Variants in CPVL observed in about 807,000 individuals in gnomAD.
CPVL encodes probable serine carboxypeptidase CPVL.
CPVL carries 51 observed loss-of-function variants against 63.7 expected under a neutral mutation model. That is an observed-to-expected ratio of 0.80 (90% confidence interval 0.64 to 1.01). The LOEUF is 1.01. Among genes scored for constraint, CPVL ranks in the 50% least tolerant of loss-of-function variants. CPVL has a pLI of 0.00. For synonymous variants in CPVL, 195 were observed against 206.0 expected (o/e 0.95, Z 0.46); for missense variants, 530 against 573.1 (o/e 0.92, Z 0.77).
At chr7:28,997,811 T>A (rs80115357) in intron 12 of CPVL, among the ~76,000 whole-genome samples, 1,834 of 139,494 alleles carry the variant, frequency 0.013, 17 homozygotes, top group Non-Finnish European at 0.019. Flanking sequence ...ATGAAAAAAA[T>A]TATTGCAGAT....
intron 1 of CPVL, among the ~76,000 whole-genome samples, chr7:29,141,941 T>C (rs1303381576): frequency 6.6e-6 from 1 of 152,040 alleles, no homozygotes; most frequent in Non-Finnish European, 1.5e-5. Context: ...GCTGTTGCCT[T>C]GTGAAAAGAT....
At chr7:29,003,521 A>G (rs1203877644) in intron 12 of CPVL, among the ~76,000 whole-genome samples, 1 of 152,190 alleles carries the variant, frequency 6.6e-6, no homozygotes, top group Admixed American at 6.5e-5. Context: ...AAACATGAAA[A>G]TGCAGAGGAG....
chr7:29,059,061 G>A (rs990090111), intron 11 of CPVL, among the ~76,000 whole-genome samples: 1 of 151,566 alleles, frequency 6.6e-6, no homozygotes, highest in Non-Finnish European at 1.5e-5. Flanking sequence ...TTTTGTAGTT[G>A]TCCCACAGTT....
intron 1 of CPVL, among the ~76,000 whole-genome samples, chr7:29,187,462 G>A (rs1468271568): frequency 1.3e-5 from 2 of 152,062 alleles, no homozygotes; most frequent in South Asian, 2.1e-4. Context: ...GGTGGCTCAC[G>A]CCTGTAATCC....
At chr7:29,037,537 AG>A (rs1171865854) in intron 11 of CPVL, among the ~76,000 whole-genome samples, 1 of 131,576 alleles carries the variant, frequency 7.6e-6, no homozygotes, top group Non-Finnish European at 1.6e-5. Flanking sequence ...TGGGTGACAG[AG>A]TGAGACTCCA....
rs1792685705 is a variant in CPVL, at chr7:29,146,512, G to C, written c.-94C>G. On this transcript the variant is annotated 5_prime_UTR_variant, in exon 1 of 13. Transcript: ENST00000265394. The stretch of plus-strand genomic sequence containing the variant: ...CTTGCAGCGCTTCCCAAATCAGGCA[G>C]AAGTGAGGCAGCCCCACCCAGTCAC... 1 of 1,474,256 alleles carries C rather than the reference G, an allele frequency of 6.8e-7. No homozygotes were observed. Among genetic ancestry groups the C allele is most frequent in the African/African-American group, 1.4e-5 (1 of 70,388 alleles). The allele number at this position is 1,474,256 out of a possible 1,614,324, so 91.3% of individuals were successfully genotyped here.
intron 3 of CPVL, among the ~76,000 whole-genome samples, chr7:29,097,278 T>C (rs561115111): frequency 6.6e-6 from 1 of 152,354 alleles, no homozygotes; most frequent in African/African-American, 2.4e-5. Context: ...TGTGTATTTA[T>C]TGAGCACCCA....
At chr7:29,003,154 G>GCACACACACA (rs535400256) in intron 12 of CPVL, among the ~76,000 whole-genome samples, 3,991 of 123,592 alleles carry the variant, frequency 0.032, 65 homozygotes, top group East Asian at 0.053. Flanking sequence ...ATGTGTATGT[G>GCACACACACA]CACACACACA....
At chr7:29,147,905 A>T (rs1374771646), upstream of CPVL, among the ~76,000 whole-genome samples, 2 of 152,180 alleles carry the variant, frequency 1.3e-5, no homozygotes. Context: ...CCAGATTGAA[A>T]CTTTGGATGA....
intron 12 of CPVL, among the ~76,000 whole-genome samples, chr7:29,015,946 T>G (rs1397818618): frequency 6.6e-6 from 1 of 152,158 alleles, no homozygotes; most frequent in Non-Finnish European, 1.5e-5. Flanking sequence ...AAATTGTGGA[T>G]TAAAAAAGTG....
At chr7:29,174,925 CAAAAT>C (rs1431778534) in intron 5 of CPVL, among the ~76,000 whole-genome samples, 4 of 149,548 alleles carry the variant, frequency 2.7e-5, no homozygotes, top group Non-Finnish European at 5.9e-5. Context: ...GAGAGAGACA[CAAAAT>C]AAACAAAATT....
At chr7:29,074,107 G>A in intron 7 of CPVL, among the ~76,000 whole-genome samples, 1 of 152,200 alleles carries the variant, frequency 6.6e-6, no homozygotes, top group Admixed American at 6.5e-5. Context: ...GAGGCTCAGA[G>A]AGGTTAAGTT....
rs560468169 is a variant in CPVL at position 29,186,432 on chromosome 7, A to G, written c.-347+15T>C. On this transcript the variant is annotated intron_variant, in intron 2 of 16. Transcript: ENST00000409850. ...ACCCTGTCTCCACTAAAAATTTTAAAAAGCAGCCACGTGCCTGTAGTCCCA... is the reference window on the plus strand; with the variant it reads ...ACCCTGTCTCCACTAAAAATTTTAAGAAGCAGCCACGTGCCTGTAGTCCCA... 3.3e-5 allele frequency: 5 copies of G among 152,208 alleles called. No individual in the cohort carries two copies. The South Asian group carries it at 1.0e-3, about 32-fold the overall frequency. 9.4% of individuals were successfully genotyped at this position (152,208 alleles called of 1,614,324 possible).
chr7:29,164,793 A>AC (rs1215097676), intron 5 of CPVL, among the ~76,000 whole-genome samples: 1 of 151,658 alleles, frequency 6.6e-6, no homozygotes, highest in Non-Finnish European at 1.5e-5. Flanking sequence ...AAAAAAAAAA[A>AC]AAAAAAAACA....
chr7:29,031,207 C>A (rs1787990771), intron 11 of CPVL, among the ~76,000 whole-genome samples: 1 of 152,202 alleles, frequency 6.6e-6, no homozygotes, highest in African/African-American at 2.4e-5. Flanking sequence ...TTGCTCTCCT[C>A]TCCTACATTG....
intron 1 of CPVL, among the ~76,000 whole-genome samples, chr7:29,132,064 C>A (rs1299978406): frequency 6.6e-6 from 1 of 152,066 alleles, no homozygotes; most frequent in Non-Finnish European, 1.5e-5. Context: ...GCAGGATAAA[C>A]GGAATAGAGA....
chr7:29,145,111 A>C (rs1409694189), intron 1 of CPVL, among the ~76,000 whole-genome samples: 1 of 151,772 alleles, frequency 6.6e-6, no homozygotes, highest in African/African-American at 2.4e-5. Flanking sequence ...GCAGACTTTC[A>C]TATGCCAACA....
At chr7:29,123,405 C>T (rs73684595) in intron 1 of CPVL, among the ~76,000 whole-genome samples, 6 of 151,326 alleles carry the variant, frequency 4.0e-5, no homozygotes, top group African/African-American at 1.5e-4. Flanking sequence ...TTGCCTATTA[C>T]TGACTATAAT....
intron 12 of CPVL, among the ~76,000 whole-genome samples, chr7:29,020,809 G>A (rs1786887269): frequency 6.6e-6 from 1 of 152,166 alleles, no homozygotes; most frequent in African/African-American, 2.4e-5. Context: ...GAATAAAATT[G>A]TTAAACCTCA....
Sources: allele counts gnomAD v4.1 joint callset (sites outside exome capture counted in the v4.1 genomes callset), GRCh38; gene constraint gnomAD v4.1.1; transcripts MANE v1.5; gene names NCBI Gene and HGNC (gene_info 2026-07-23, HGNC 2026-07-21).